The following SCIN variants were observed in gnomAD, a reference collection of about 807,000 sequenced individuals.
The protein encoded by SCIN is scinderin.
SCIN carries 91 observed loss-of-function variants against 91.8 expected under a neutral mutation model. That is an observed-to-expected ratio of 0.99 (90% confidence interval 0.84 to 1.18). The LOEUF (loss-of-function observed/expected upper bound fraction) is 1.18. Ranked by LOEUF, SCIN falls within the 50% of genes most tolerant of loss-of-function variation. The probability of loss-of-function intolerance (pLI) is 0.00; values close to 1 mark genes in which losing one functional copy is unlikely to be tolerated. For synonymous variants in SCIN, 367 were observed against 312.6 expected, an observed-to-expected ratio of 1.17 and a Z score of -1.84; for missense variants, 1,087 against 863.9, an observed-to-expected ratio of 1.26 and a Z score of -3.24.
chr7:12,646,716 T>C (rs1050522646), intron 13 of SCIN, among the ~76,000 whole-genome samples: 1 of 152,192 alleles, frequency 6.6e-6, no homozygotes, highest in Non-Finnish European at 1.5e-5. Context: ...GATCCACAGA[T>C]TTTGGTCAAC....
intron 1 of SCIN, among the ~76,000 whole-genome samples, chr7:12,574,942 T>C (rs1354543407): frequency 6.6e-6 from 1 of 152,156 alleles, no homozygotes; most frequent in Non-Finnish European, 1.5e-5. Context: ...ATTGACATCA[T>C]TATTATGTGG....
chr7:12,620,067 G>T (rs1783376700), intron 4 of SCIN, among the ~76,000 whole-genome samples: 1 of 151,700 alleles, frequency 6.6e-6, no homozygotes, highest in African/African-American at 2.4e-5. Flanking sequence ...TCTATCAAAT[G>T]ATAGACATAT....
chr7:12,636,923 A>T (rs1400623015), intron 10 of SCIN, among the ~76,000 whole-genome samples: 1 of 152,000 alleles, frequency 6.6e-6, no homozygotes, highest in African/African-American at 2.4e-5. Flanking sequence ...TAAAATTAAA[A>T]AAAAAGAAGG....
At chr7:12,579,169 C>T (rs994762034) in intron 2 of SCIN, among the ~76,000 whole-genome samples, 6 of 151,996 alleles carry the variant, frequency 3.9e-5, no homozygotes, top group Admixed American at 6.6e-5. Context: ...ATACTAAGTC[C>T]GCCTACTAAG....
chr7:12,626,453 T>G, intron 7 of SCIN, 131 bp from the exon 8 acceptor site: 1 of 699,082 alleles, frequency 1.4e-6, no homozygotes, highest in Non-Finnish European at 2.3e-6. Context: ...AAAGCAATTT[T>G]GGATTATATG....
intron 3 of SCIN, 84 bp downstream of exon 3, chr7:12,581,305 A>G: frequency 2.2e-6 from 3 of 1,387,462 alleles, no homozygotes; most frequent in Non-Finnish European, 2.9e-6. Context: ...ATTGAAAAGA[A>G]TCACTTTTTC....
At chr7:12,605,782 T>G (rs1213286358) in intron 4 of SCIN, among the ~76,000 whole-genome samples, 1 of 152,212 alleles carries the variant, frequency 6.6e-6, no homozygotes, top group Non-Finnish European at 1.5e-5. Flanking sequence ...ACCAAGAGAT[T>G]AAATATGCCA....
chr7:12,617,610 C>T (rs1461884449), intron 4 of SCIN, among the ~76,000 whole-genome samples: 3 of 152,074 alleles, frequency 2.0e-5, no homozygotes, highest in Non-Finnish European at 4.4e-5. Flanking sequence ...AATAATTTGT[C>T]CAGGGGAGAT....
intron 3 of SCIN, among the ~76,000 whole-genome samples, chr7:12,593,356 C>T (rs1782766950): frequency 6.6e-6 from 1 of 152,046 alleles, no homozygotes; most frequent in Non-Finnish European, 1.5e-5. Flanking sequence ...TTAAGGAGGT[C>T]TTGTTGTGGG....
In SCIN at chr7:12,638,997, C is replaced by T. The variant is rs185526887; in HGVS notation, c.1411-1350C>T. On this transcript the variant is annotated intron_variant, in intron 10 of 15. Coordinates refer to ENST00000297029, the MANE Select transcript of SCIN (RefSeq NM_001112706.3). ...TAATGAGTTACCATGAATTGTTAGC[C>T]GGTTGAATCCTAAATTGACAACAAA... 2.0e-5 allele frequency among the ~76,000 whole-genome samples: 3 copies of T among 152,132 alleles called. No individual in the cohort carries two copies. The East Asian group carries it at 5.8e-4, about 29-fold the overall frequency.
rs373819385 is a variant in SCIN, at chr7:12,640,510, T to A, written c.1574T>A (p.Ile525Asn). ...AGAAACCTGGCATCTATCACCAGAA[T>A]TGTGGAGGTAATGTCATGCATTCCA... is the stretch of plus-strand genomic sequence containing the variant. Reference protein sequence around the residue: ...VRRNLASITRIVEVDVDANSL... With the variant: ...VRRNLASITRNVEVDVDANSL... The change falls in exon 11 of 16, where the codon ATT becomes AAT. Residue 525 changes from isoleucine (I) to asparagine (N), a missense_variant. Coordinates refer to ENST00000297029, the MANE Select transcript of SCIN (RefSeq NM_001112706.3). 10 of 1,609,608 alleles carry A rather than the reference T, an allele frequency of 6.2e-6. No homozygotes were observed. The highest frequency in any genetic ancestry group is 8.5e-6 in the Non-Finnish European group (10 of 1,178,038).
At chr7:12,627,113 C>CACAT (rs1479139588) in intron 8 of SCIN, among the ~76,000 whole-genome samples, 1 of 151,746 alleles carries the variant, frequency 6.6e-6, no homozygotes, top group African/African-American at 2.4e-5. Context: ...CACACACACA[C>CACAT]ATAAATGTGT....
intron 13 of SCIN, 72 bp from the exon 14 acceptor site, chr7:12,649,395 G>A: frequency 1.4e-5 from 12 of 853,658 alleles, no homozygotes; most frequent in East Asian, 5.9e-5. Context: ...AAAAATACAG[G>A]GCATTTCTAT....
chr7:12,644,026 G>A lies in SCIN; in HGVS notation c.1582-112G>A. 1.5e-5 allele frequency: 14 copies of A among 950,026 alleles called. No individual in the cohort carries two copies. The South Asian group carries it at 2.3e-4, about 15-fold the overall frequency. The allele number at this position is 950,026 out of a possible 1,614,324, so 58.8% of individuals were successfully genotyped here. Reference sequence around the variant, plus strand: ...AGAGCGGCTCTGAATTAATTTCCTGGGATAGGGCAGAAGGCGATGTATGGT... The same window carrying A: ...AGAGCGGCTCTGAATTAATTTCCTGAGATAGGGCAGAAGGCGATGTATGGT... On this transcript the variant is annotated intron_variant, in intron 11 of 15. Transcript: ENST00000297029.
At chr7:12,614,167 G>A (rs1280556034) in intron 4 of SCIN, among the ~76,000 whole-genome samples, 14 of 152,204 alleles carry the variant, frequency 9.2e-5, no homozygotes, top group Admixed American at 9.2e-4. Flanking sequence ...GTTAGGGAAT[G>A]GCACGACTTC....
rs1784227494 is a variant in SCIN, at chr7:12,659,726, A to C, written c.*7011A>C. On this transcript the variant is annotated 3_prime_UTR_variant, in exon 16 of 16. Transcript: ENST00000297029. ...GCTGGCTAAAATGGCACAGTGGCAA[A>C]TCCTGACCATGGACTGCCCTATGCA... 1.3e-5 allele frequency: 2 copies of C among 154,656 alleles called. No individual in the cohort carries two copies. 9.6% of individuals were successfully genotyped at this position (154,656 alleles called of 1,614,324 possible).
At chr7:12,634,713 T>G (rs1208695442) in intron 9 of SCIN, among the ~76,000 whole-genome samples, 1 of 152,206 alleles carries the variant, frequency 6.6e-6, no homozygotes, top group Non-Finnish European at 1.5e-5. Context: ...GTTTTTTTAC[T>G]GTCTTCTCTA....
chr7:12,608,327 A>T (rs1783121925), intron 4 of SCIN, among the ~76,000 whole-genome samples: 1 of 150,990 alleles, frequency 6.6e-6, no homozygotes. Context: ...ACATGCACAC[A>T]CACACACACA....
intron 4 of SCIN, among the ~76,000 whole-genome samples, chr7:12,615,518 C>T (rs1387070654): frequency 4.6e-5 from 7 of 152,218 alleles, no homozygotes; most frequent in South Asian, 2.1e-4. Context: ...CCCAGCCATG[C>T]GGAACGGAGA....
Sources: allele counts gnomAD v4.1 joint callset (sites outside exome capture counted in the v4.1 genomes callset), GRCh38; gene constraint gnomAD v4.1.1; transcripts MANE v1.5; gene names NCBI Gene and HGNC (gene_info 2026-07-23, HGNC 2026-07-21).